Variants in BCL11A observed in about 807,000 individuals in gnomAD.
BCL11A encodes the protein B cell CLL/lymphoma 11A.
BCL11A carries 2 observed loss-of-function variants against 55.9 expected under a neutral mutation model. The observed-to-expected ratio is 0.04, with a 90% CI of 0.01 to 0.11. BCL11A has a LOEUF of 0.11. BCL11A is among the 10% of genes least tolerant of loss of function. BCL11A has a pLI of 1.00. For synonymous variants in BCL11A, 465 were observed against 473.4 expected (o/e 0.98, Z 0.23); for missense variants, 817 against 1,137.1 (o/e 0.72, Z 4.05).
chr2:60,504,260 G>A (rs546972132), intron 2 of BCL11A, among the ~76,000 whole-genome samples: 38 of 152,330 alleles, frequency 2.5e-4, no homozygotes, highest in African/African-American at 8.4e-4. Context: ...CTACCGGCAC[G>A]CATGCAGGAT....
Position 60,461,591 on chromosome 2 carries a change from C to T in BCL11A, c.1321G>A (p.Gly441Ser). Reference sequence around the variant, plus strand: ...TCCGGGGAGCTGGCGGTGGAGAGACCGTCGTCGGACTTGACCGTCATGGGG... The same window carrying T: ...TCCGGGGAGCTGGCGGTGGAGAGACTGTCGTCGGACTTGACCGTCATGGGG... ...SSPMTVKSDD[G>S]LSTASSPEPG... Residue 441 changes from glycine (G) to serine (S), a missense_variant, in exon 4 of 4, where the codon GGT becomes AGT. Transcript: ENST00000642384. 1 of 1,612,954 alleles carries T rather than the reference C, an allele frequency of 6.2e-7. No individual in the cohort carries two copies. The highest frequency in any genetic ancestry group is 8.5e-7 in the Non-Finnish European group (1 of 1,180,034).
chr2:60,552,309 T>C (rs1670444889), intron 1 of BCL11A, among the ~76,000 whole-genome samples: 2 of 151,994 alleles, frequency 1.3e-5, no homozygotes, highest in South Asian at 2.1e-4. Context: ...GCCTCTGAGG[T>C]TCGGTCGGGA....
intron 1 of BCL11A, among the ~76,000 whole-genome samples, chr2:60,550,073 T>A (rs977009935): frequency 6.6e-6 from 1 of 151,894 alleles, no homozygotes; most frequent in South Asian, 2.1e-4. Context: ...AGGTCTGTGC[T>A]TTGCATGGGG....
At chr2:60,505,208 G>A (rs1170044142) in intron 2 of BCL11A, among the ~76,000 whole-genome samples, 1 of 152,138 alleles carries the variant, frequency 6.6e-6, no homozygotes, top group African/African-American at 2.4e-5. Context: ...ATTCGAAAGG[G>A]ATGGGCCCAA....
rs374401170 is a variant in BCL11A, at chr2:60,467,201, A to G, written c.487+1531T>C. ...GGTGGTGGTGGTGATGGTGGTGGTG[A>G]TGGCGGTGATGGTACTGGTGATGGT... On this transcript the variant is annotated intron_variant, in intron 3 of 3. Transcript: ENST00000642384. 9.8e-3 allele frequency among the ~76,000 whole-genome samples: 643 copies of G among 65,852 alleles called. 6 individuals are homozygous for G. The highest frequency in any genetic ancestry group is 0.014 in the Non-Finnish European group (442 of 31,836). The allele number at this position is 65,852 out of a possible 152,430, so 43.2% of individuals were successfully genotyped here. A position where few individuals can be genotyped will look rare whatever the true frequency, so the allele number is the denominator to read the frequency against.
At chr2:60,544,889 GTT>G (rs1670079259) in intron 2 of BCL11A, 1 of 152,196 alleles carries the variant, frequency 6.6e-6, no homozygotes, top group Non-Finnish European at 1.5e-5. Flanking sequence ...TAGTGTTACT[GTT>G]TATCACTTAG....
At chr2:60,462,533 C>T in intron 3 of BCL11A, 109 bp from the exon 4 acceptor site, 1 of 1,479,404 alleles carries the variant, frequency 6.8e-7, no homozygotes, top group South Asian at 1.4e-5. Context: ...CCCTCAACCC[C>T]AAGGCCTAAG....
At chr2:60,485,895 G>A (rs1678247559) in intron 2 of BCL11A, among the ~76,000 whole-genome samples, 1 of 152,130 alleles carries the variant, frequency 6.6e-6, no homozygotes, top group African/African-American at 2.4e-5. Context: ...ATACATTGCT[G>A]CATCTGATTC....
At chr2:60,541,580 G>C (rs1325517150) in intron 2 of BCL11A, among the ~76,000 whole-genome samples, 1 of 152,212 alleles carries the variant, frequency 6.6e-6, no homozygotes, top group Non-Finnish European at 1.5e-5. Flanking sequence ...AATACAGCTT[G>C]TATATAGGAC....
At chr2:60,513,664 C>G (rs1668590518) in intron 2 of BCL11A, among the ~76,000 whole-genome samples, 1 of 152,142 alleles carries the variant, frequency 6.6e-6, no homozygotes, top group African/African-American at 2.4e-5. Context: ...TGAATAAACC[C>G]AACAGCACGG....
chr2:60,510,783 C>T (rs747451626), intron 2 of BCL11A, among the ~76,000 whole-genome samples: 1 of 152,212 alleles, frequency 6.6e-6, no homozygotes, highest in Non-Finnish European at 1.5e-5. Context: ...TGTCAGGCAG[C>T]CCAACCTGGG....
chr2:60,547,177 T>C (rs893917567), intron 1 of BCL11A, among the ~76,000 whole-genome samples: 1 of 152,170 alleles, frequency 6.6e-6, no homozygotes, highest in African/African-American at 2.4e-5. Context: ...ATCTATGATA[T>C]AAAAATCAGA....
intron 2 of BCL11A, among the ~76,000 whole-genome samples, chr2:60,485,764 C>A (rs1182685486): frequency 6.6e-6 from 1 of 152,170 alleles, no homozygotes; most frequent in Non-Finnish European, 1.5e-5. Context: ...CCCTTGTGAA[C>A]TACGGGCTGA....
chr2:60,459,969 T>C lies in BCL11A; in HGVS notation c.*435A>G. 1 of 1,066,510 alleles carries C rather than the reference T, an allele frequency of 9.4e-7. No individual in the cohort carries two copies. Among genetic ancestry groups the C allele is most frequent in the South Asian group, 4.5e-5 (1 of 22,170 alleles). 66.1% of individuals were successfully genotyped at this position (1,066,510 alleles called of 1,614,324 possible). A position where few individuals can be genotyped will look rare whatever the true frequency, so the allele number is the denominator to read the frequency against. ...CTCTCTTTTTCTCTCAGAACGGAAC[T>C]GGAAACAGCAACATGTTTGCTCAGC... On this transcript the variant is annotated 3_prime_UTR_variant, in exon 4 of 4. Transcript: ENST00000642384.
At chr2:60,481,085 C>G (rs1177340935) in intron 2 of BCL11A, among the ~76,000 whole-genome samples, 3 of 152,128 alleles carry the variant, frequency 2.0e-5, no homozygotes, top group Non-Finnish European at 4.4e-5. Context: ...CACCTTGTCA[C>G]CCAAGTTGCA....
chr2:60,533,337 G>C (rs1163763396), intron 2 of BCL11A: 1 of 152,202 alleles, frequency 6.6e-6, no homozygotes, highest in Non-Finnish European at 1.5e-5. Flanking sequence ...TTGGGGGAGA[G>C]AGAGAGGAGA....
At chr2:60,523,693 T>C (rs1260371953) in intron 2 of BCL11A, among the ~76,000 whole-genome samples, 1 of 151,722 alleles carries the variant, frequency 6.6e-6, no homozygotes, top group Non-Finnish European at 1.5e-5. Flanking sequence ...CTTTTATAGG[T>C]GTACCACACA....
intron 2 of BCL11A, among the ~76,000 whole-genome samples, chr2:60,488,102 C>T (rs1368172875): frequency 1.3e-5 from 2 of 152,262 alleles, no homozygotes; most frequent in East Asian, 1.9e-4. Context: ...AATTTATTCT[C>T]ATTATGTAGA....
chr2:60,509,778 G>A (rs1374019967), intron 2 of BCL11A, among the ~76,000 whole-genome samples: 2 of 151,782 alleles, frequency 1.3e-5, no homozygotes, highest in African/African-American at 2.4e-5. Context: ...ACAATCGGGG[G>A]GCTACTCTCT....
Sources: gnomAD v4.1 joint callset for allele counts (sites outside exome capture counted in the v4.1 genomes callset) on GRCh38, gnomAD v4.1.1 for gene constraint, MANE v1.5 for transcripts, NCBI Gene and HGNC (gene_info 2026-07-23, HGNC 2026-07-21) for gene names.